CPQ: variants seen among roughly 807,000 people sequenced by gnomAD.
The protein encoded by CPQ is carboxypeptidase Q.
In CPQ, 37 loss-of-function variants were observed where a neutral mutation model predicts 45.7. That is an observed-to-expected ratio of 0.81 (90% CI 0.62 to 1.07). The LOEUF is 1.07. Among genes scored for constraint, CPQ ranks in the 50% least tolerant of loss-of-function variants. The pLI is 0.00. For missense variants in CPQ, 537 were observed against 572.9 expected, an observed-to-expected ratio of 0.94 and a Z score of 0.64; for synonymous variants, 186 against 205.8, an observed-to-expected ratio of 0.90 and a Z score of 0.82.
chr8:96,759,024 T>G (rs540489125), intron 1 of CPQ, among the ~76,000 whole-genome samples: 5 of 152,262 alleles, frequency 3.3e-5, no homozygotes, highest in Admixed American at 2.6e-4. Context: ...AAGGACAAAG[T>G]TCGAGTAATA....
At chr8:97,097,919 T>C (rs1380657819) in intron 7 of CPQ, among the ~76,000 whole-genome samples, 3 of 152,236 alleles carry the variant, frequency 2.0e-5, no homozygotes, top group Non-Finnish European at 2.9e-5. Flanking sequence ...ACATGTTACA[T>C]GGCCCTAACT....
intron 2 of CPQ, among the ~76,000 whole-genome samples, chr8:96,803,283 C>T (rs553697137): frequency 2.6e-5 from 4 of 152,284 alleles, no homozygotes; most frequent in African/African-American, 9.6e-5. Context: ...TGATGTTAAC[C>T]CACATTGGGG....
chr8:97,100,659 A>G (rs947483217), intron 7 of CPQ, among the ~76,000 whole-genome samples: 16 of 152,184 alleles, frequency 1.1e-4, no homozygotes, highest in African/African-American at 3.9e-4. Context: ...TTAAAATTCA[A>G]GAAGAATTTA....
chr8:96,767,161 C>A (rs1174367096), intron 1 of CPQ, among the ~76,000 whole-genome samples: 1 of 152,172 alleles, frequency 6.6e-6, no homozygotes, highest in African/African-American at 2.4e-5. Flanking sequence ...GGAACAATTT[C>A]CTGCGTTCTC....
intron 3 of CPQ, among the ~76,000 whole-genome samples, chr8:96,875,919 C>T (rs893511013): frequency 6.6e-6 from 1 of 151,834 alleles, no homozygotes; most frequent in Admixed American, 6.6e-5. Context: ...ATTAAGTATT[C>T]TACTTTATAG....
chr8:97,140,174 A>G (rs1221222388), intron 7 of CPQ, among the ~76,000 whole-genome samples: 1 of 152,006 alleles, frequency 6.6e-6, no homozygotes, highest in Non-Finnish European at 1.5e-5. Flanking sequence ...ATTCCTAGAC[A>G]AATGTAATTT....
rs550111063 is a variant in CPQ at position 96,700,708 on chromosome 8, C to A, written c.-35+55306C>A. The stretch of plus-strand genomic sequence containing the variant: ...TCAACCTCTGCCACATCTGAAATTT[C>A]TCTCCCACTGCTCTAATGCGTGGGT... On this transcript the variant is annotated intron_variant, in intron 1 of 7. Transcript: ENST00000220763. Among the ~76,000 whole-genome samples the A allele has an allele frequency of 3.9e-5, 6 of 152,288 alleles. No individual in the cohort carries two copies. In the East Asian group the frequency reaches 1.2e-3, roughly 29 times the overall value.
intron 5 of CPQ, among the ~76,000 whole-genome samples, chr8:97,028,406 T>C (rs1394709038): frequency 6.6e-6 from 1 of 152,254 alleles, no homozygotes; most frequent in African/African-American, 2.4e-5. Context: ...ATATGTGGTG[T>C]GTCCATCTCA....
chr8:96,699,832 C>T (rs751274102), intron 1 of CPQ, among the ~76,000 whole-genome samples: 2 of 152,122 alleles, frequency 1.3e-5, no homozygotes, highest in Non-Finnish European at 2.9e-5. Flanking sequence ...GCCAAACTGT[C>T]CTTATCACTC....
chr8:97,041,205 T>A (rs1484959802), intron 6 of CPQ, among the ~76,000 whole-genome samples: 1 of 152,204 alleles, frequency 6.6e-6, no homozygotes, highest in Non-Finnish European at 1.5e-5. Context: ...TTCACATCCC[T>A]TGTAAGTTGG....
At chr8:96,884,978 G>A (rs1812281080) in intron 4 of CPQ, among the ~76,000 whole-genome samples, 1 of 152,180 alleles carries the variant, frequency 6.6e-6, no homozygotes, top group African/African-American at 2.4e-5. Context: ...GCAGAATAAT[G>A]CAAATATCTT....
chr8:96,662,608 C>A (rs58855377), intron 1 of CPQ, among the ~76,000 whole-genome samples: 3,652 of 152,256 alleles, frequency 0.024, 158 homozygotes, highest in African/African-American at 0.083. Context: ...AGAAACAATT[C>A]TCAAAATAAT....
chr8:97,034,078 C>CAATT (rs2130476735), intron 6 of CPQ, among the ~76,000 whole-genome samples: 1 of 151,312 alleles, frequency 6.6e-6, no homozygotes, highest in Non-Finnish European at 1.5e-5. Flanking sequence ...ATTTACTAAA[C>CAATT]AATTTATTAA....
intron 7 of CPQ, among the ~76,000 whole-genome samples, chr8:97,066,916 CTTTTTTTTTTTT>C (rs752150876): frequency 8.3e-5 from 5 of 60,398 alleles, no homozygotes; most frequent in East Asian, 1.2e-3. Flanking sequence ...CTGGAACAGT[CTTTTTTTTTTTT>C]TTTTTTTTTT....
intron 1 of CPQ, among the ~76,000 whole-genome samples, chr8:96,737,455 TC>T (rs1236226009): frequency 6.6e-6 from 1 of 151,188 alleles, no homozygotes; most frequent in Non-Finnish European, 1.5e-5. Context: ...CCTGTCCAAG[TC>T]CCAAAACTGA....
chr8:97,024,564 C>T (rs1381080417), intron 5 of CPQ, among the ~76,000 whole-genome samples: 2 of 152,156 alleles, frequency 1.3e-5, no homozygotes, highest in African/African-American at 4.8e-5. Flanking sequence ...GTTTACTTCA[C>T]TAAAATAATT....
At chr8:96,854,712 A>G (rs978085888) in intron 3 of CPQ, among the ~76,000 whole-genome samples, 2 of 152,010 alleles carry the variant, frequency 1.3e-5, no homozygotes, top group Non-Finnish European at 2.9e-5. Flanking sequence ...AAGTCCCAAA[A>G]TCTTCAGGGT....
intron 1 of CPQ, among the ~76,000 whole-genome samples, chr8:96,737,309 G>GATATAT (rs71267276): frequency 8.4e-6 from 1 of 119,318 alleles, no homozygotes; most frequent in Non-Finnish European, 1.8e-5. Context: ...AAACTAATAG[G>GATATAT]ATATATATAT....
At chr8:96,787,525 C>CTTTGTTTT (rs1810784679) in intron 2 of CPQ, among the ~76,000 whole-genome samples, 1 of 47,594 alleles carries the variant, frequency 2.1e-5, no homozygotes, top group African/African-American at 8.1e-5. Flanking sequence ...CTTATAATGT[C>CTTTGTTTT]TTTTTTTTTT....
Sources: gnomAD v4.1 joint callset for allele counts (sites outside exome capture counted in the v4.1 genomes callset) on GRCh38, gnomAD v4.1.1 for gene constraint, MANE v1.5 for transcripts, NCBI Gene and HGNC (gene_info 2026-07-23, HGNC 2026-07-21) for gene names.